The following VWDE variants were observed in gnomAD, a reference collection of about 807,000 sequenced individuals.
VWDE encodes the protein von Willebrand factor D and EGF domains.
Under a neutral mutation model 178.4 loss-of-function variants are expected in VWDE, and 207 were observed. The observed-to-expected ratio is 1.16, with a 90% CI of 1.04 to 1.30. The LOEUF is 1.30. Among genes scored for constraint, VWDE ranks in the 50% most tolerant of loss-of-function variants. VWDE has a pLI of 0.00. For missense variants in VWDE, 2,287 were observed against 1,901.3 expected (o/e 1.20, Z -3.77); for synonymous variants, 738 against 651.4 (o/e 1.13, Z -2.02).
intron 3 of VWDE, among the ~76,000 whole-genome samples, chr7:12,386,083 T>C (rs1784085250): frequency 6.6e-6 from 1 of 152,186 alleles, no homozygotes; most frequent in Non-Finnish European, 1.5e-5. Flanking sequence ...TCTTTTTTAT[T>C]AGTTGTCAAT....
In VWDE at chr7:12,337,027, A is replaced by G; in HGVS notation, c.4519T>C (p.Ser1507Pro). 6.4e-7 allele frequency: 1 copy of G among 1,551,588 alleles called. No homozygotes were observed. The change falls in exon 26 of 29, where the codon TCT becomes CCT. Residue 1507 changes from serine to proline, a missense_variant. Transcript: ENST00000275358. ...TTCCCACTCCAACCAGAAGGACAAG[A>G]GCAAGTGCTTGGTCCCACACATTTT... ...GGKCVGPSTCSCPSGWSGKRC... is the reference protein window; with the variant it reads ...GGKCVGPSTCPCPSGWSGKRC...
At chr7:12,350,652 TC>T (rs1419152422) in intron 19 of VWDE, among the ~76,000 whole-genome samples, 2 of 151,860 alleles carry the variant, frequency 1.3e-5, no homozygotes, top group African/African-American at 4.8e-5. Flanking sequence ...GACCCTGGTC[TC>T]TTCAGTTAGA....
intron 19 of VWDE, among the ~76,000 whole-genome samples, chr7:12,346,817 C>T (rs1377305159): frequency 6.6e-6 from 1 of 151,982 alleles, no homozygotes. Context: ...ATGCAAAGCT[C>T]TTCTCAAAGG....
chr7:12,364,222 AT>A (rs1250682337), intron 13 of VWDE, among the ~76,000 whole-genome samples: 1 of 152,094 alleles, frequency 6.6e-6, no homozygotes, highest in Non-Finnish European at 1.5e-5. Context: ...ACGTGTGTGT[AT>A]AAGTGTACAT....
intron 1 of VWDE, among the ~76,000 whole-genome samples, chr7:12,399,732 A>G (rs1378009815): frequency 6.6e-6 from 1 of 152,168 alleles, no homozygotes; most frequent in Non-Finnish European, 1.5e-5. Flanking sequence ...CTATAAACCC[A>G]GCTACTAGGG....
In VWDE at chr7:12,356,221, C is replaced by T. The variant is rs999227254; in HGVS notation, c.3635G>A (p.Gly1212Asp). 3 of 1,551,556 alleles carry T rather than the reference C, an allele frequency of 1.9e-6. No homozygotes were observed. Among genetic ancestry groups the T allele is most frequent in the East Asian group, 2.4e-5 (1 of 40,898 alleles). ...YLCVCLPGFH[G>D]SLCEVDISGC... ...ACTAATGTCCACTTCACAAAGGCTG[C>T]CATGGAAGCCAGGCAAGCAGACACA... Residue 1212 changes from glycine to aspartate, a missense_variant, in exon 18 of 29, where the codon GGC (glycine) becomes GAC (aspartate). By Grantham distance (94) the Gly-to-Asp change is moderately conservative (BLOSUM62 -1). Coordinates refer to ENST00000275358, the MANE Select transcript of VWDE (RefSeq NM_001135924.3).
chr7:12,357,448 C>T lies in VWDE; in HGVS notation c.3342G>A (p.Glu1114=). Residue 1114 remains glutamate (E), a synonymous_variant, in exon 17 of 29, where the codon GAG becomes GAA. Coordinates refer to ENST00000275358, the MANE Select transcript of VWDE (RefSeq NM_001135924.3). The stretch of plus-strand genomic sequence containing the variant: ...CTGGATCGAAGGCCACGAACTGATA[C>T]TCAAAGTTTTCACCATAAAATGTCT... ...KLQTFYGENF[E]YQFVAFDPEG... 20 of 1,552,028 alleles carry T rather than the reference C, an allele frequency of 1.3e-5. No homozygotes were observed. The highest frequency in any genetic ancestry group is 1.7e-5 in the Non-Finnish European group (20 of 1,147,068).
chr7:12,373,785 T>G (rs1368063285), intron 9 of VWDE, among the ~76,000 whole-genome samples: 1 of 152,060 alleles, frequency 6.6e-6, no homozygotes, highest in Non-Finnish European at 1.5e-5. Flanking sequence ...ACCTAGTTGT[T>G]GCGTAATTAA....
chr7:12,345,001 G>A (rs1408152308), intron 19 of VWDE, among the ~76,000 whole-genome samples: 1 of 151,826 alleles, frequency 6.6e-6, no homozygotes, highest in Non-Finnish European at 1.5e-5. Flanking sequence ...GAAATTCAGT[G>A]GGCACTCCAA....
chr7:12,358,668 T>C (rs1217176826), intron 16 of VWDE, among the ~76,000 whole-genome samples: 3 of 152,166 alleles, frequency 2.0e-5, no homozygotes. Flanking sequence ...TCATCCTCAA[T>C]ATGAGAGATT....
intron 18 of VWDE, among the ~76,000 whole-genome samples, chr7:12,354,761 A>T (rs2128551095): frequency 6.6e-6 from 1 of 152,336 alleles, no homozygotes; most frequent in African/African-American, 2.4e-5. Flanking sequence ...CTCCATTAAT[A>T]GTTAAGGCAA....
chr7:12,395,839 C>G (rs534815839), intron 1 of VWDE, among the ~76,000 whole-genome samples: 2 of 152,010 alleles, frequency 1.3e-5, no homozygotes, highest in Non-Finnish European at 2.9e-5. Context: ...ATATTGATGG[C>G]TTGGGCTCTC....
intron 2 of VWDE, among the ~76,000 whole-genome samples, chr7:12,393,348 T>C (rs924769078): frequency 2.0e-5 from 3 of 152,202 alleles, no homozygotes; most frequent in Non-Finnish European, 4.4e-5. Flanking sequence ...ATAGATTGTA[T>C]GCTACAGTTG....
chr7:12,397,685 T>C (rs541779431), intron 1 of VWDE, among the ~76,000 whole-genome samples: 1 of 152,050 alleles, frequency 6.6e-6, no homozygotes, highest in African/African-American at 2.4e-5. Context: ...AGGTCTAATA[T>C]CCAGAATCTA....
chr7:12,364,155 A>G (rs369869999), intron 13 of VWDE, among the ~76,000 whole-genome samples: 71 of 152,170 alleles, frequency 4.7e-4, no homozygotes, highest in African/African-American at 1.6e-3. Context: ...CTGAAATCAG[A>G]AGTATCAGTA....
chr7:12,397,261 A>C (rs1262017103), intron 1 of VWDE, among the ~76,000 whole-genome samples: 2 of 152,124 alleles, frequency 1.3e-5, no homozygotes, highest in African/African-American at 4.8e-5. Context: ...CCAAAAATAA[A>C]GCCACACACC....
chr7:12,386,956 T>C (rs757175493), intron 3 of VWDE, among the ~76,000 whole-genome samples: 1 of 152,204 alleles, frequency 6.6e-6, no homozygotes, highest in African/African-American at 2.4e-5. Context: ...ATTATACTTG[T>C]GGAATACTGC....
Position 12,393,694 on chromosome 7 carries a change from G to C in VWDE, c.143C>G (p.Ser48Ter), listed in dbSNP as rs1341448150. ...VRFDSWHLQQ[S>*]AVQDLICDHS... ...GTCACATATTAGGTCTTGAACAGCT[G>C]ACTGCTGGAGGTGCCATGAGTCAAA... Residue 48 changes from serine (S) to a stop codon, truncating the protein, a stop_gained, in exon 2 of 29, where the codon TCA becomes TGA. Transcript: ENST00000275358. LOFTEE classifies it high-confidence loss of function. 1 of 1,551,262 alleles carries C rather than the reference G, an allele frequency of 6.4e-7. No homozygotes were observed. The highest frequency in any genetic ancestry group is 8.7e-7 in the Non-Finnish European group (1 of 1,146,702).
chr7:12,341,139 T>C (rs1295054154), intron 23 of VWDE, among the ~76,000 whole-genome samples: 4 of 148,682 alleles, frequency 2.7e-5, no homozygotes, highest in Non-Finnish European at 5.9e-5. Context: ...TTTTTATAAT[T>C]TTATAATTTT....
Sources: gnomAD v4.1 joint callset for allele counts (sites outside exome capture counted in the v4.1 genomes callset) on GRCh38, gnomAD v4.1.1 for gene constraint, MANE v1.5 for transcripts, NCBI Gene and HGNC (gene_info 2026-07-23, HGNC 2026-07-21) for gene names.